EPHA5: variants seen among roughly 807,000 people sequenced by gnomAD.
The protein encoded by EPHA5 is EPH receptor A5.
In EPHA5, 60 loss-of-function variants were observed where a neutral mutation model predicts 105.0. The observed-to-expected ratio is 0.57, with a 90% confidence interval of 0.46 to 0.71. The LOEUF (loss-of-function observed/expected upper bound fraction) is 0.71, where lower values mean the gene tolerates loss of function less well. Ranked by LOEUF, EPHA5 falls within the 30% of genes least tolerant of loss-of-function variation. The pLI is 0.00. For missense variants in EPHA5, 1,218 were observed against 1,274.7 expected, an observed-to-expected ratio of 0.96 and a Z score of 0.68; for synonymous variants, 513 against 449.1, an observed-to-expected ratio of 1.14 and a Z score of -1.80.
At chr4:65,325,468 C>CA (rs1249919479) in intron 16 of EPHA5, among the ~76,000 whole-genome samples, 8 of 149,252 alleles carry the variant, frequency 5.4e-5, no homozygotes, top group Non-Finnish European at 9.0e-5. Context: ...AGCTACCCCC[C>CA]CAAAAAAATG....
intron 5 of EPHA5, among the ~76,000 whole-genome samples, chr4:65,468,089 C>A (rs539050503): frequency 5.3e-5 from 8 of 152,190 alleles, no homozygotes; most frequent in African/African-American, 1.9e-4. Flanking sequence ...GATAATAAAT[C>A]CATGTTGTTT....
intron 5 of EPHA5, among the ~76,000 whole-genome samples, chr4:65,427,959 T>G (rs1383352221): frequency 6.6e-6 from 1 of 152,116 alleles, no homozygotes; most frequent in Non-Finnish European, 1.5e-5. Flanking sequence ...TACATATATA[T>G]TTTTAAATGA....
At chr4:65,507,804 T>C (rs1281348354) in intron 3 of EPHA5, among the ~76,000 whole-genome samples, 4 of 151,524 alleles carry the variant, frequency 2.6e-5, no homozygotes, top group Admixed American at 6.6e-5. Flanking sequence ...ATCGGGAATG[T>C]TTTTAAAAAG....
intron 11 of EPHA5, among the ~76,000 whole-genome samples, chr4:65,357,013 C>T (rs1723364451): frequency 1.3e-5 from 2 of 151,444 alleles, no homozygotes; most frequent in African/African-American, 4.8e-5. Flanking sequence ...CATGTCAAAA[C>T]ATGATTTTAA....
intron 11 of EPHA5, among the ~76,000 whole-genome samples, chr4:65,362,885 A>T (rs1717468065): frequency 6.6e-6 from 1 of 151,696 alleles, no homozygotes; most frequent in African/African-American, 2.4e-5. Context: ...GAGCTGAAAA[A>T]TATAAGCAAA....
intron 15 of EPHA5, among the ~76,000 whole-genome samples, chr4:65,333,238 C>G (rs1421843981): frequency 6.6e-6 from 1 of 151,586 alleles, no homozygotes; most frequent in Non-Finnish European, 1.5e-5. Flanking sequence ...TAAATTGCAA[C>G]TATAAGAAAA....
At chr4:65,585,892 A>G (rs1257795689) in intron 3 of EPHA5, among the ~76,000 whole-genome samples, 1 of 151,814 alleles carries the variant, frequency 6.6e-6, no homozygotes, top group African/African-American at 2.4e-5. Flanking sequence ...TATTTATAAT[A>G]TAAAACTGGA....
At chr4:65,460,443 C>T (rs1728015248) in intron 5 of EPHA5, among the ~76,000 whole-genome samples, 1 of 150,628 alleles carries the variant, frequency 6.6e-6, no homozygotes, top group South Asian at 2.1e-4. Flanking sequence ...CATAGGAATA[C>T]TAGATAATTA....
chr4:65,663,414 C>T (rs925904939), intron 1 of EPHA5, among the ~76,000 whole-genome samples: 1 of 151,872 alleles, frequency 6.6e-6, no homozygotes, highest in Non-Finnish European at 1.5e-5. Context: ...GACTTTGTAA[C>T]ATCTGAGATT....
rs146279785 is a variant in EPHA5 at position 65,491,424 on chromosome 4, G to A, written c.1067-712C>T. Among the ~76,000 whole-genome samples, 99 of 151,838 alleles carry A rather than the reference G, an allele frequency of 6.5e-4. 1 individual carries two copies. The highest frequency in any genetic ancestry group is 2.2e-3 in the African/African-American group (90 of 41,418). On this transcript the variant is annotated intron_variant, in intron 4 of 16. Transcript: ENST00000613740. The stretch of plus-strand genomic sequence containing the variant: ...TTTATTTTAAAAATAACCCTGAAAA[G>A]GACTACAATAGGATGAATAAAAGCG...
Position 65,414,431 on chromosome 4 carries a change from T to C in EPHA5, c.1540A>G (p.Ser514Gly). 1.2e-6 allele frequency: 2 copies of C among 1,613,918 alleles called. No homozygotes were observed. The highest frequency in any genetic ancestry group is 1.7e-6 in the Non-Finnish European group (2 of 1,179,848). ...TCTTTAGATTTGATAATCGTGTAGCTGGTCTCTTGGTCCTTGGGATGCGCA... is the reference window on the plus strand; with the variant it reads ...TCTTTAGATTTGATAATCGTGTAGCCGGTCTCTTGGTCCTTGGGATGCGCA... ...IKYFEKDQET[S>G]YTIIKSKETT... The change falls in exon 7 of 17, where the codon AGC becomes GGC. Residue 514 changes from serine to glycine, a missense_variant. Ser to Gly is a moderately conservative substitution (Grantham distance 56). Transcript: ENST00000613740.
rs574236237 is a variant in EPHA5, at chr4:65,655,669, G to A, written c.182-12242C>T. ...GGATAAAGATCAGAATTATCTATGG[G>A]GGTTCTAAAACTACAGATTTCCAAG... On this transcript the variant is annotated intron_variant, in intron 1 of 16. Transcript: ENST00000613740. 6.6e-5 allele frequency among the ~76,000 whole-genome samples: 10 copies of A among 152,138 alleles called. No individual in the cohort carries two copies. In the South Asian group the frequency reaches 1.9e-3, roughly 28 times the overall value.
chr4:65,394,174 A>AT (rs1356280748), intron 8 of EPHA5, among the ~76,000 whole-genome samples: 7 of 152,254 alleles, frequency 4.6e-5, no homozygotes, highest in Middle Eastern at 3.4e-3. Flanking sequence ...AATTCAATGT[A>AT]TTTTTTAGTG....
At chr4:65,462,724 A>G (rs1358329208) in intron 5 of EPHA5, among the ~76,000 whole-genome samples, 1 of 152,216 alleles carries the variant, frequency 6.6e-6, no homozygotes, top group Non-Finnish European at 1.5e-5. Flanking sequence ...TAGAGGCATT[A>G]GCAATAGAAT....
In EPHA5 at chr4:65,388,280, G is replaced by A. The variant is rs748206876; in HGVS notation, c.1793+16094C>T. On this transcript the variant is annotated intron_variant, in intron 8 of 16. Transcript: ENST00000613740. ...GTGAATAGTGCCACAATAAACATAC[G>A]TGTGCATGTGTCTTTATAGCAGCAT... Among the ~76,000 whole-genome samples the A allele has an allele frequency of 1.4e-3, 211 of 151,462 alleles. 2 individuals are homozygous for A. Among genetic ancestry groups the A allele is most frequent in the Non-Finnish European group, 2.0e-3 (133 of 67,888 alleles).
At chr4:65,558,452 T>C (rs567772578) in intron 3 of EPHA5, among the ~76,000 whole-genome samples, 1 of 152,254 alleles carries the variant, frequency 6.6e-6, no homozygotes, top group South Asian at 2.1e-4. Flanking sequence ...GGTCTTCATT[T>C]GAGATATGTG....
intron 11 of EPHA5, among the ~76,000 whole-genome samples, chr4:65,359,061 A>C (rs1723575032): frequency 6.6e-6 from 1 of 151,636 alleles, no homozygotes; most frequent in Non-Finnish European, 1.5e-5. Context: ...TTAACAATGA[A>C]AATAACTTTA....
At chr4:65,620,001 T>A (rs1745570757) in intron 2 of EPHA5, among the ~76,000 whole-genome samples, 1 of 150,612 alleles carries the variant, frequency 6.6e-6, no homozygotes, top group Non-Finnish European at 1.5e-5. Context: ...TTTTAAACAC[T>A]AGTTTAATCA....
intron 5 of EPHA5, among the ~76,000 whole-genome samples, chr4:65,435,616 G>T (rs190774474): frequency 1.3e-4 from 19 of 151,888 alleles, no homozygotes; most frequent in African/African-American, 4.3e-4. Context: ...TTCTTTTTCC[G>T]CTTGTTATCT....
Sources: gnomAD v4.1 joint callset for allele counts (sites outside exome capture counted in the v4.1 genomes callset) on GRCh38, gnomAD v4.1.1 for gene constraint, MANE v1.5 for transcripts, NCBI Gene and HGNC (gene_info 2026-07-23, HGNC 2026-07-21) for gene names.